DIAPH2: variants seen among roughly 807,000 people sequenced by gnomAD.
DIAPH2 encodes diaphanous related formin 2.
A neutral mutation model predicts 92.7 loss-of-function variants in DIAPH2; 35 were observed. The observed-to-expected ratio is 0.38, with a 90% CI of 0.29 to 0.50. DIAPH2 has a LOEUF of 0.50. DIAPH2 is among the 20% of genes least tolerant of loss of function. The pLI, the probability that DIAPH2 is intolerant of heterozygous loss-of-function variation, is 0.94. For missense variants in DIAPH2, 701 were observed against 819.5 expected (o/e 0.86, Z 1.77); for synonymous variants, 301 against 280.4 (o/e 1.07, Z -0.73).
At chrX:97,539,821 G>C (rs2071125832) in intron 26 of DIAPH2, among the ~76,000 whole-genome samples, 1 of 110,878 alleles carries the variant, frequency 9.0e-6, no homozygotes. Context: ...TCTACTGGAA[G>C]GTACCATGGA....
intron 4 of DIAPH2, among the ~76,000 whole-genome samples, chrX:96,770,373 T>C (rs182205830): frequency 1.8e-5 from 2 of 112,059 alleles, no homozygotes; most frequent in Admixed American, 9.5e-5. Flanking sequence ...GAAGTTTTAT[T>C]AGTTTATTTA....
chrX:96,789,025 CAGGA>C (rs2064479831), intron 4 of DIAPH2, among the ~76,000 whole-genome samples: 1 of 112,387 alleles, frequency 8.9e-6, no homozygotes, highest in Non-Finnish European at 1.9e-5. Flanking sequence ...GAAGGACTCA[CAGGA>C]CTCAGAATAT....
At chrX:97,542,443 A>G (rs895766740) in intron 26 of DIAPH2, among the ~76,000 whole-genome samples, 13 of 112,369 alleles carry the variant, frequency 1.2e-4, no homozygotes, top group Non-Finnish European at 2.3e-4. Flanking sequence ...CAAGTATATT[A>G]TGGGTATCTT....
intron 24 of DIAPH2, among the ~76,000 whole-genome samples, chrX:97,369,032 C>T (rs1443781958): frequency 1.4e-4 from 15 of 107,889 alleles, no homozygotes; most frequent in Non-Finnish European, 2.1e-4. Context: ...CTTAGCCTCC[C>T]GAGCAGCTGG....
At chrX:97,145,141 A>G (rs183654158) in intron 22 of DIAPH2, among the ~76,000 whole-genome samples, 7 of 111,787 alleles carry the variant, frequency 6.3e-5, no homozygotes, top group African/African-American at 1.9e-4. Flanking sequence ...AACTTCTAAG[A>G]TTTTGTTTAC....
At position 97,320,824 on chromosome X, in the gene DIAPH2, A is replaced by G. The variant is rs750723925; in HGVS notation, c.2845-27292A>G. On this transcript the variant is annotated intron_variant, in intron 23 of 26. Coordinates refer to ENST00000324765, the MANE Select transcript of DIAPH2 (RefSeq NM_006729.5). ...AAATTTTTGGATAATTTACATTACA[A>G]ACTGAGTCAAATGAAAGATCTTTTA... 2.7e-5 allele frequency among the ~76,000 whole-genome samples: 3 copies of G among 112,037 alleles called. No individual in the cohort carries two copies. In the South Asian group the frequency reaches 1.1e-3, roughly 41 times the overall value.
intron 23 of DIAPH2, among the ~76,000 whole-genome samples, chrX:97,329,354 C>A (rs1247360708): frequency 8.9e-6 from 1 of 111,985 alleles, no homozygotes; most frequent in African/African-American, 3.2e-5. Flanking sequence ...CCCCCACCCA[C>A]CTCTCTAAAA....
At chrX:97,011,193 T>A (rs140974939) in intron 17 of DIAPH2, among the ~76,000 whole-genome samples, 4,073 of 112,481 alleles carry the variant, frequency 0.036, 88 homozygotes, top group Middle Eastern at 0.084. Context: ...TATTCTTCTC[T>A]GTAAAAATTA....
chrX:97,185,487 A>ATGTGTGTG (rs2067593442), intron 22 of DIAPH2, among the ~76,000 whole-genome samples: 5 of 15,591 alleles, frequency 3.2e-4, no homozygotes, highest in Non-Finnish European at 6.8e-4. Context: ...ATATATATAT[A>ATGTGTGTG]TATATATATA....
At chrX:97,185,355 G>GTATATATATGTGTATATATATA (rs1320825418) in intron 22 of DIAPH2, among the ~76,000 whole-genome samples, 2 of 10,360 alleles carry the variant, frequency 1.9e-4, no homozygotes, top group Non-Finnish European at 1.3e-4. Flanking sequence ...ATATATATGT[G>GTATATATATGTGTATATATATA]TGTATATATA....
At chrX:97,504,612 G>A (rs2070820400) in intron 26 of DIAPH2, among the ~76,000 whole-genome samples, 1 of 111,827 alleles carries the variant, frequency 8.9e-6, no homozygotes, top group Non-Finnish European at 1.9e-5. Flanking sequence ...TGATAAATAA[G>A]TCATTGCTCA....
At chrX:96,814,054 AATTTGAATGTTGGCCTG>A (rs2064709846) in intron 4 of DIAPH2, among the ~76,000 whole-genome samples, 1 of 110,831 alleles carries the variant, frequency 9.0e-6, no homozygotes, top group South Asian at 3.9e-4. Flanking sequence ...GTGTTTCCTG[AATTTGAATGTTGGCCTG>A]ACTTGCTAGT....
At chrX:97,520,627 C>T (rs2070984371) in intron 26 of DIAPH2, among the ~76,000 whole-genome samples, 1 of 111,869 alleles carries the variant, frequency 8.9e-6, no homozygotes, top group African/African-American at 3.2e-5. Flanking sequence ...GTGGTTTTTG[C>T]AACAAAGGCC....
Position 97,153,837 on chromosome X carries a change from C to T in DIAPH2, c.2719+12043C>T, listed in dbSNP as rs748865017. 3.6e-5 allele frequency among the ~76,000 whole-genome samples: 4 copies of T among 110,847 alleles called. No individual in the cohort carries two copies. In the East Asian group the frequency reaches 1.1e-3, roughly 31 times the overall value. On this transcript the variant is annotated intron_variant, in intron 22 of 26. Coordinates refer to ENST00000324765, the MANE Select transcript of DIAPH2 (RefSeq NM_006729.5). ...ATTTAAAGGTTGATCATAAAATTTCCAATATCCTATTTTGTTAGGATATCT... is the reference window on the plus strand; with the variant it reads ...ATTTAAAGGTTGATCATAAAATTTCTAATATCCTATTTTGTTAGGATATCT...
intron 26 of DIAPH2, among the ~76,000 whole-genome samples, chrX:97,480,738 C>T (rs1485431430): frequency 9.0e-6 from 1 of 111,145 alleles, no homozygotes; most frequent in East Asian, 2.8e-4. Flanking sequence ...ATAATTATTA[C>T]CGATCCCTTG....
intron 26 of DIAPH2, among the ~76,000 whole-genome samples, chrX:97,537,961 T>C (rs1428604415): frequency 9.4e-6 from 1 of 105,978 alleles, no homozygotes; most frequent in African/African-American, 3.5e-5. Context: ...CTCGGCTCAC[T>C]GCAAGCTCCG....
At position 97,571,991 on chromosome X, in the gene DIAPH2, C is replaced by A. The variant is rs769198289; in HGVS notation, c.3242-27262C>A. Among the ~76,000 whole-genome samples the A allele has an allele frequency of 7.9e-4, 87 of 110,723 alleles. 1 individual carries two copies. In the Middle Eastern group the frequency reaches 0.014, roughly 18 times the overall value. On this transcript the variant is annotated intron_variant, in intron 26 of 26. Transcript: ENST00000324765. ...TCTTCTGACTTTCTGTGCACTTTGT[C>A]AAATCAGGTACTTTGAGCAGAAGTA...
chrX:97,293,611 A>G (rs2068618362), intron 23 of DIAPH2, among the ~76,000 whole-genome samples: 1 of 111,503 alleles, frequency 9.0e-6, no homozygotes. Context: ...TAGATATTTG[A>G]AGGCCTTGTC....
At chrX:97,543,496 AT>A (rs754599330) in intron 26 of DIAPH2, among the ~76,000 whole-genome samples, 1 of 109,789 alleles carries the variant, frequency 9.1e-6, no homozygotes, top group Non-Finnish European at 1.9e-5. Flanking sequence ...CTTAGGAAGA[AT>A]TTTTTTTTCT....
Sources: allele counts gnomAD v4.1 joint callset (sites outside exome capture counted in the v4.1 genomes callset), GRCh38; gene constraint gnomAD v4.1.1; transcripts MANE v1.5; gene names NCBI Gene and HGNC (gene_info 2026-07-23, HGNC 2026-07-21).